The following MAOA variants were observed in gnomAD, a reference collection of about 807,000 sequenced individuals.
The protein encoded by MAOA is amine oxidase [flavin-containing] A.
MAOA carries 6 observed loss-of-function variants against 42.0 expected under a neutral mutation model. That is an observed-to-expected ratio of 0.14 (90% confidence interval 0.08 to 0.28). The LOEUF (loss-of-function observed/expected upper bound fraction) is 0.28. MAOA is among the 10% of genes least tolerant of loss of function. MAOA has a pLI of 1.00. For missense variants in MAOA, 262 were observed against 422.3 expected (o/e 0.62, Z 3.33); for synonymous variants, 140 against 154.0 (o/e 0.91, Z 0.67).
intron 5 of MAOA, among the ~76,000 whole-genome samples, chrX:43,715,031 G>A (rs2033731313): frequency 9.0e-6 from 1 of 110,811 alleles, no homozygotes; most frequent in Non-Finnish European, 1.9e-5. Flanking sequence ...GACCCACAGG[G>A]CAAGGGGTAG....
intron 1 of MAOA, among the ~76,000 whole-genome samples, chrX:43,663,068 TATATGTG>T (rs1377926741): frequency 8.9e-6 from 1 of 112,129 alleles, no homozygotes; most frequent in Non-Finnish European, 1.9e-5. Context: ...TGGATTAAGT[TATATGTG>T]ATATATCTTC....
At chrX:43,737,379 G>A (rs953583887) in intron 10 of MAOA, among the ~76,000 whole-genome samples, 9 of 111,941 alleles carry the variant, frequency 8.0e-5, no homozygotes, top group Non-Finnish European at 1.7e-4. Flanking sequence ...CTGTAACAAA[G>A]TGCCTGAAAC....
chrX:43,693,204 A>C, intron 2 of MAOA, 87 bp from the exon 3 acceptor site: 1 of 993,452 alleles, frequency 1.0e-6, no homozygotes, highest in Non-Finnish European at 1.4e-6. Context: ...TTAACTTTTA[A>C]AAAAATAAAT....
At chrX:43,708,725 C>T (rs1299121601) in intron 3 of MAOA, among the ~76,000 whole-genome samples, 4 of 105,335 alleles carry the variant, frequency 3.8e-5, no homozygotes, top group African/African-American at 1.0e-4. Flanking sequence ...TGTAGTGGCA[C>T]GATATCGGCT....
intron 1 of MAOA, among the ~76,000 whole-genome samples, chrX:43,672,763 T>C (rs917519297): frequency 7.2e-5 from 8 of 111,518 alleles, no homozygotes; most frequent in Admixed American, 6.7e-4. Flanking sequence ...TTTGAGTATA[T>C]TGAACCAGCC....
intron 1 of MAOA, among the ~76,000 whole-genome samples, chrX:43,668,491 T>G (rs1253668346): frequency 8.9e-6 from 1 of 112,409 alleles, no homozygotes; most frequent in Admixed American, 9.5e-5. Context: ...CTTACTTTAT[T>G]CTAGTTTTTT....
upstream of MAOA, chrX:43,655,508 C>CAAG (rs1032058273): frequency 3.6e-5 from 4 of 111,430 alleles, no homozygotes; most frequent in Non-Finnish European, 5.6e-5. Context: ...GTCGGATCCC[C>CAAG]AAGTCTACCA....
chrX:43,686,446 A>G (rs776018510), intron 2 of MAOA, among the ~76,000 whole-genome samples: 2 of 112,456 alleles, frequency 1.8e-5, no homozygotes, highest in Admixed American at 1.9e-4. Context: ...AATGCTTGGA[A>G]ATTAGGACTT....
chrX:43,696,209 C>T (rs943667410), intron 3 of MAOA, among the ~76,000 whole-genome samples: 3 of 111,488 alleles, frequency 2.7e-5, no homozygotes, highest in South Asian at 3.8e-4. Context: ...TGCTGAGTCC[C>T]GCTGTAAGGT....
rs6610834 is a variant in MAOA at position 43,662,433 on chromosome X, A to G, written c.73+6019A>G. Among the ~76,000 whole-genome samples the G allele has an allele frequency of 1.7e-4, 19 of 110,773 alleles. No individual in the cohort carries two copies. The East Asian group carries it at 5.1e-3, about 30-fold the overall frequency. ...TATCTGGCATTAAATGGGAAATTTT[A>G]GCATTTAGTCAATACTAATTGATTT... On this transcript the variant is annotated intron_variant, in intron 1 of 14. Transcript: ENST00000338702.
Position 43,746,405 on chromosome X carries a change from G to A in MAOA, c.*1892G>A, listed in dbSNP as rs920122810. ...CGAAATTGGAGCTGAGGACTCTCAC[G>A]ATATGCAAGTTCATCCAACGTGAAG... On this transcript the variant is annotated 3_prime_UTR_variant, in exon 15 of 15. Coordinates refer to ENST00000338702, the MANE Select transcript of MAOA (RefSeq NM_000240.4). 6 of 111,867 alleles carry A rather than the reference G, an allele frequency of 5.4e-5. No homozygotes were observed. The highest frequency in any genetic ancestry group is 1.1e-4 in the Non-Finnish European group (6 of 53,199). The allele number at this position is 111,867 out of a possible 1,213,427, so 9.2% of individuals were successfully genotyped here.
intron 1 of MAOA, among the ~76,000 whole-genome samples, chrX:43,665,853 G>T (rs774698107): frequency 1.3e-3 from 148 of 111,266 alleles, no homozygotes; most frequent in African/African-American, 2.9e-3. Context: ...TAGATAGATA[G>T]ATAGGAATGG....
chrX:43,716,684 A>C (rs1419256730), intron 5 of MAOA, among the ~76,000 whole-genome samples: 4 of 110,404 alleles, frequency 3.6e-5, no homozygotes. Flanking sequence ...CGAATGACCC[A>C]CAGAAGTCAG....
chrX:43,659,238 C>A (rs941239165), intron 1 of MAOA, among the ~76,000 whole-genome samples: 1 of 111,543 alleles, frequency 9.0e-6, no homozygotes, highest in African/African-American at 3.3e-5. Context: ...TGTCTTACAA[C>A]CACAAACTCT....
At chrX:43,679,287 CT>C (rs1376391058) in intron 1 of MAOA, among the ~76,000 whole-genome samples, 4 of 109,684 alleles carry the variant, frequency 3.6e-5, no homozygotes, top group African/African-American at 1.3e-4. Context: ...CTGCTCCCCC[CT>C]CCCCTTTTAG....
At chrX:43,713,091 G>A (rs1268544183) in intron 5 of MAOA, among the ~76,000 whole-genome samples, 7 of 112,191 alleles carry the variant, frequency 6.2e-5, no homozygotes, top group Admixed American at 1.9e-4. Flanking sequence ...GCCTACAAAA[G>A]CAGTTTGAAA....
chrX:43,656,757 A>C (rs1424154690), intron 1 of MAOA, among the ~76,000 whole-genome samples: 2 of 111,286 alleles, frequency 1.8e-5, no homozygotes, highest in Non-Finnish European at 3.8e-5. Context: ...TGCAAAACCA[A>C]GAAACTGAGG....
intron 1 of MAOA, among the ~76,000 whole-genome samples, chrX:43,673,901 G>C (rs1316149779): frequency 1.8e-5 from 2 of 111,978 alleles, no homozygotes; most frequent in South Asian, 3.7e-4. Flanking sequence ...GTGGTGTGGT[G>C]CTGAAAAGAA....
intron 5 of MAOA, among the ~76,000 whole-genome samples, chrX:43,721,433 A>G (rs905620042): frequency 1.8e-5 from 2 of 111,310 alleles, no homozygotes; most frequent in African/African-American, 6.6e-5. Flanking sequence ...TCCACTGAAG[A>G]TCGTTGAAAG....
Sources: gnomAD v4.1 joint callset for allele counts (sites outside exome capture counted in the v4.1 genomes callset) on GRCh38, gnomAD v4.1.1 for gene constraint, MANE v1.5 for transcripts, NCBI Gene and HGNC (gene_info 2026-07-23, HGNC 2026-07-21) for gene names.